Variants in TSGA10 observed in about 807,000 individuals in gnomAD.
TSGA10 encodes testis-specific gene 10 protein.
Under a neutral mutation model 96.6 loss-of-function variants are expected in TSGA10, and 43 were observed. That is an observed-to-expected ratio of 0.44 (90% CI 0.35 to 0.57). The LOEUF (loss-of-function observed/expected upper bound fraction) is 0.57, where lower values mean the gene tolerates loss of function less well. TSGA10 is among the 20% of genes least tolerant of loss of function. The pLI is 0.01. For missense variants in TSGA10, 703 were observed against 834.4 expected, an observed-to-expected ratio of 0.84 and a Z score of 1.94; for synonymous variants, 229 against 269.9, an observed-to-expected ratio of 0.85 and a Z score of 1.48.
At chr2:99,121,419 ATC>A (rs1416778408) in intron 2 of TSGA10, among the ~76,000 whole-genome samples, 1 of 152,244 alleles carries the variant, frequency 6.6e-6, no homozygotes, top group East Asian at 1.9e-4. Context: ...GAGGCTGAAC[ATC>A]TTTTTCTAGT....
Position 99,071,691 on chromosome 2 carries a change from T to C in TSGA10, c.1107+15A>G. The C allele has an allele frequency of 6.3e-7, 1 of 1,591,780 alleles. No homozygotes were observed. Among genetic ancestry groups the C allele is most frequent in the Non-Finnish European group, 8.5e-7 (1 of 1,170,836 alleles). ...TTTTTTTTCTTGGAGAAAATGATTC[T>C]AGGAACAAGTGTACCTGGTTTTCTT... On this transcript the variant is annotated intron_variant, in intron 14 of 20. Transcript: ENST00000393483.
chr2:99,124,478 T>C (rs966454703), intron 2 of TSGA10, among the ~76,000 whole-genome samples: 7 of 152,092 alleles, frequency 4.6e-5, no homozygotes, highest in African/African-American at 1.7e-4. Context: ...GTACAAAGAG[T>C]TCCCACACAC....
chr2:99,098,823 A>T (rs898206140), intron 10 of TSGA10, among the ~76,000 whole-genome samples: 1 of 152,220 alleles, frequency 6.6e-6, no homozygotes, highest in Non-Finnish European at 1.5e-5. Context: ...TAAGAAGGAA[A>T]TTCTAATTAT....
intron 1 of TSGA10, among the ~76,000 whole-genome samples, chr2:99,146,000 G>A (rs2093628036): frequency 6.6e-6 from 1 of 152,124 alleles, no homozygotes; most frequent in Non-Finnish European, 1.5e-5. Flanking sequence ...TTAGCCAGAT[G>A]TGGCCAGGTA....
At chr2:99,090,568 G>A (rs917082265) in intron 10 of TSGA10, among the ~76,000 whole-genome samples, 3 of 152,020 alleles carry the variant, frequency 2.0e-5, no homozygotes, top group Non-Finnish European at 2.9e-5. Context: ...GAAATAGGTA[G>A]TATAAATAAA....
At chr2:99,058,847 C>G (rs1284548472) in intron 16 of TSGA10, among the ~76,000 whole-genome samples, 1 of 151,420 alleles carries the variant, frequency 6.6e-6, no homozygotes, top group Non-Finnish European at 1.5e-5. Context: ...ACCAGCCTGA[C>G]CAACATGGTG....
At chr2:99,073,269 G>A (rs1002211608) in intron 12 of TSGA10, among the ~76,000 whole-genome samples, 196 bp from the exon 13 acceptor site, 2 of 152,072 alleles carry the variant, frequency 1.3e-5, no homozygotes, top group Non-Finnish European at 2.9e-5. Context: ...AATAGATTAT[G>A]TTCATTAAAG....
At chr2:99,039,656 G>T (rs1159064107) in intron 16 of TSGA10, among the ~76,000 whole-genome samples, 1 of 151,998 alleles carries the variant, frequency 6.6e-6, no homozygotes, top group African/African-American at 2.4e-5. Flanking sequence ...ATGAAGAAAA[G>T]TCCAGGACCA....
At chr2:99,097,527 G>T (rs1455325048) in intron 10 of TSGA10, among the ~76,000 whole-genome samples, 3 of 152,140 alleles carry the variant, frequency 2.0e-5, no homozygotes, top group African/African-American at 7.2e-5. Flanking sequence ...CTGTTCTAAG[G>T]TTCTTGCAAT....
At chr2:99,010,371 G>A (rs532100787) in intron 20 of TSGA10, among the ~76,000 whole-genome samples, 6 of 152,322 alleles carry the variant, frequency 3.9e-5, no homozygotes, top group South Asian at 2.1e-4. Context: ...CGAAAGAAGT[G>A]GCATGCTGCT....
chr2:99,102,698 G>A, intron 10 of TSGA10: 3 of 1,612,616 alleles, frequency 1.9e-6, no homozygotes, highest in Non-Finnish European at 2.5e-6. Context: ...ATATTGATGT[G>A]ATCACAGCGG....
intron 16 of TSGA10, among the ~76,000 whole-genome samples, chr2:99,039,441 G>A (rs1226583891): frequency 1.3e-5 from 2 of 151,862 alleles, no homozygotes; most frequent in Non-Finnish European, 2.9e-5. Flanking sequence ...AGTTAGAAAC[G>A]AAATGGGAGC....
At chr2:99,123,234 A>G (rs2092671005) in intron 2 of TSGA10, among the ~76,000 whole-genome samples, 1 of 152,064 alleles carries the variant, frequency 6.6e-6, no homozygotes. Flanking sequence ...CCTGTTAGGT[A>G]TTCCATCACC....
At chr2:99,120,422 T>C (rs2092509855) in intron 2 of TSGA10, among the ~76,000 whole-genome samples, 1 of 152,096 alleles carries the variant, frequency 6.6e-6, no homozygotes, top group Non-Finnish European at 1.5e-5. Flanking sequence ...GAATTTACCA[T>C]ATTTTCTTGA....
At chr2:98,999,074 T>C (rs914424797) in intron 20 of TSGA10, among the ~76,000 whole-genome samples, 18 of 152,090 alleles carry the variant, frequency 1.2e-4, no homozygotes, top group Admixed American at 9.2e-4. Flanking sequence ...GTTTGTATTT[T>C]TAGTAGAGAT....
Position 98,997,499 on chromosome 2 carries a change from T to C in TSGA10, c.*698A>G, listed in dbSNP as rs974708470. ...TCGCAATTAAGTTGATTGCAGTACT[T>C]GAAAGAAAACTTATTAAAAATAAAG... On this transcript the variant is annotated 3_prime_UTR_variant, in exon 21 of 21. Coordinates refer to ENST00000393483, the MANE Select transcript of TSGA10 (RefSeq NM_025244.4). 1 of 152,050 alleles carries C rather than the reference T, an allele frequency of 6.6e-6. No homozygotes were observed. Among genetic ancestry groups the C allele is most frequent in the Admixed American group, 6.6e-5 (1 of 15,252 alleles). 9.4% of individuals were successfully genotyped at this position (152,050 alleles called of 1,614,324 possible).
intron 5 of TSGA10, among the ~76,000 whole-genome samples, chr2:99,110,112 C>A (rs751210024): frequency 2.0e-5 from 3 of 152,166 alleles, no homozygotes; most frequent in Non-Finnish European, 4.4e-5. Flanking sequence ...TTGTGGTGAG[C>A]CGAGAATGCG....
intron 1 of TSGA10, among the ~76,000 whole-genome samples, chr2:99,129,176 C>T (rs1222026339): frequency 1.3e-5 from 2 of 152,208 alleles, no homozygotes; most frequent in Non-Finnish European, 2.9e-5. Context: ...TTTTCTCTGT[C>T]TTCTCCACTG....
At chr2:99,150,292 T>C (rs1174866380) in intron 1 of TSGA10, among the ~76,000 whole-genome samples, 6 of 152,178 alleles carry the variant, frequency 3.9e-5, no homozygotes, top group Non-Finnish European at 2.9e-5. Context: ...AAATTTCCTT[T>C]TAAAAAGACT....
Sources: allele counts gnomAD v4.1 joint callset (sites outside exome capture counted in the v4.1 genomes callset), GRCh38; gene constraint gnomAD v4.1.1; transcripts MANE v1.5; gene names NCBI Gene and HGNC (gene_info 2026-07-23, HGNC 2026-07-21).